The following CADM2 variants were observed in gnomAD, a reference collection of about 807,000 sequenced individuals.
CADM2 encodes immunoglobulin superfamily member 4D.
CADM2 carries 12 observed loss-of-function variants against 49.8 expected under a neutral mutation model. The observed-to-expected ratio is 0.24, with a 90% CI of 0.15 to 0.39. CADM2 has a LOEUF of 0.39. CADM2 is among the 10% of genes least tolerant of loss of function. The pLI is 1.00. For missense variants in CADM2, 378 were observed against 492.3 expected, an observed-to-expected ratio of 0.77 and a Z score of 2.20; for synonymous variants, 214 against 175.4, an observed-to-expected ratio of 1.22 and a Z score of -1.74.
chr3:85,554,883 T>TTTA (rs2061916241), intron 1 of CADM2, among the ~76,000 whole-genome samples: 1 of 35,766 alleles, frequency 2.8e-5, no homozygotes, highest in African/African-American at 4.5e-5. Context: ...TTTATTTTTA[T>TTTA]TTTTTTTTTT....
intron 1 of CADM2, among the ~76,000 whole-genome samples, chr3:85,245,747 T>C (rs1462569065): frequency 1.3e-5 from 2 of 152,152 alleles, no homozygotes; most frequent in Non-Finnish European, 2.9e-5. Context: ...GATTACTCTT[T>C]ATAAATGCAT....
intron 1 of CADM2, among the ~76,000 whole-genome samples, chr3:85,543,228 C>CTTTTTATTTATTTATTTATTTAT (rs2061584105): frequency 9.7e-6 from 1 of 103,046 alleles, no homozygotes; most frequent in Non-Finnish European, 2.4e-5. Context: ...TTCCACAACT[C>CTTTTTATTTATTTATTTATTTAT]TTTTTATTTA....
intron 7 of CADM2, among the ~76,000 whole-genome samples, chr3:85,940,164 CAAAA>C (rs10527231): frequency 1.9e-5 from 1 of 52,172 alleles, no homozygotes. Context: ...ACTAAAAATA[CAAAA>C]AAAAAAAAAA....
At chr3:85,993,674 T>C (rs752813180) in intron 8 of CADM2, 1 of 152,192 alleles carries the variant, frequency 6.6e-6, no homozygotes, top group South Asian at 2.1e-4. Context: ...GGCTACAGAA[T>C]GGATGTTGTG....
intron 1 of CADM2, among the ~76,000 whole-genome samples, chr3:85,415,419 C>CA (rs111449069): frequency 0.012 from 1,700 of 145,340 alleles, 72 homozygotes; most frequent in Admixed American, 0.067. Context: ...CAGCTTTTGC[C>CA]AAAAAAAAAA....
chr3:85,544,595 A>T (rs1689891192), intron 1 of CADM2, among the ~76,000 whole-genome samples: 1 of 152,158 alleles, frequency 6.6e-6, no homozygotes, highest in Non-Finnish European at 1.5e-5. Flanking sequence ...AAAATAAAAA[A>T]TAAAAAAAAG....
chr3:85,474,900 T>C (rs1284527306), intron 1 of CADM2, among the ~76,000 whole-genome samples: 1 of 151,996 alleles, frequency 6.6e-6, no homozygotes, highest in Non-Finnish European at 1.5e-5. Context: ...CTCCATGTGT[T>C]GATAGTCTTC....
intron 8 of CADM2, among the ~76,000 whole-genome samples, chr3:86,015,907 G>A (rs898865673): frequency 1.3e-5 from 2 of 152,000 alleles, no homozygotes; most frequent in African/African-American, 2.4e-5. Context: ...GCAAAACCTG[G>A]AAAACCTACA....
intron 6 of CADM2, among the ~76,000 whole-genome samples, chr3:85,927,558 A>G (rs1373125275): frequency 6.6e-6 from 1 of 152,188 alleles, no homozygotes; most frequent in Non-Finnish European, 1.5e-5. Context: ...GACAGTACTC[A>G]TAGGAACTAA....
chr3:85,500,872 C>A (rs115658929), intron 1 of CADM2, among the ~76,000 whole-genome samples: 4 of 152,048 alleles, frequency 2.6e-5, no homozygotes, highest in Admixed American at 2.6e-4. Flanking sequence ...GTTTGCCATG[C>A]AGTCACTGAA....
chr3:85,565,964 G>T (rs2062242457), intron 1 of CADM2, among the ~76,000 whole-genome samples: 1 of 151,892 alleles, frequency 6.6e-6, no homozygotes, highest in African/African-American at 2.4e-5. Flanking sequence ...ATGAAAGATG[G>T]CTCAAAAGGA....
In CADM2 at chr3:85,144,245, G is replaced by GCGCACACA. The variant is rs5850673; in HGVS notation, c.61+184578_61+184579insGCACACAC. Among the ~76,000 whole-genome samples, 8 of 148,938 alleles carry GCGCACACA rather than the reference G, an allele frequency of 5.4e-5. No individual in the cohort carries two copies. In the South Asian group the frequency reaches 6.4e-4, roughly 12 times the overall value. On this transcript the variant is annotated intron_variant, in intron 1 of 9. Coordinates refer to ENST00000383699, the MANE Select transcript of CADM2 (RefSeq NM_001167675.2). Reference sequence around the variant, plus strand: ...CCATCTAAAGTATTTTGTTACACACGCACACACACACACACACACACACAC... The same window carrying GCGCACACA: ...CCATCTAAAGTATTTTGTTACACACGCGCACACACACACACACACACACACACACACAC...
intron 1 of CADM2, among the ~76,000 whole-genome samples, chr3:85,662,604 C>A (rs1051246260): frequency 6.6e-6 from 1 of 152,026 alleles, no homozygotes; most frequent in African/African-American, 2.4e-5. Context: ...CAGGTCTCTG[C>A]AAATGATACT....
At chr3:85,697,773 T>G (rs2107699341) in intron 1 of CADM2, among the ~76,000 whole-genome samples, 1 of 152,330 alleles carries the variant, frequency 6.6e-6, no homozygotes, top group African/African-American at 2.4e-5. Flanking sequence ...TCCTCTTGAT[T>G]ATTATAGAAT....
chr3:85,772,404 T>C (rs1039133859), intron 2 of CADM2, among the ~76,000 whole-genome samples: 6 of 152,126 alleles, frequency 3.9e-5, no homozygotes, highest in African/African-American at 1.4e-4. Context: ...ATTGTCATTT[T>C]ATCTGTGTGT....
chr3:85,791,693 A>G (rs1402288924), intron 2 of CADM2, among the ~76,000 whole-genome samples: 3 of 151,856 alleles, frequency 2.0e-5, no homozygotes, highest in African/African-American at 7.3e-5. Flanking sequence ...CTCTTTCATC[A>G]TTCCTTGTTG....
intron 1 of CADM2, among the ~76,000 whole-genome samples, chr3:85,549,429 A>G (rs2061744999): frequency 6.6e-6 from 1 of 152,180 alleles, no homozygotes; most frequent in Non-Finnish European, 1.5e-5. Flanking sequence ...AATTGCATGC[A>G]TGGGAGAAAT....
chr3:85,621,574 G>T (rs892977068), intron 1 of CADM2, among the ~76,000 whole-genome samples: 1 of 151,966 alleles, frequency 6.6e-6, no homozygotes, highest in Admixed American at 6.6e-5. Flanking sequence ...AGTTCAATGC[G>T]ATTACTCTGC....
intron 1 of CADM2, among the ~76,000 whole-genome samples, chr3:85,525,928 T>C (rs551617736): frequency 1.3e-5 from 2 of 152,274 alleles, no homozygotes; most frequent in East Asian, 1.9e-4. Flanking sequence ...TTCATACTTC[T>C]CCTTCTCTCC....
Sources: gnomAD v4.1 joint callset for allele counts (sites outside exome capture counted in the v4.1 genomes callset) on GRCh38, gnomAD v4.1.1 for gene constraint, MANE v1.5 for transcripts, NCBI Gene and HGNC (gene_info 2026-07-23, HGNC 2026-07-21) for gene names.